Variants in TRIP12 observed in about 807,000 individuals in gnomAD.
The protein encoded by TRIP12 is E3 ubiquitin-protein ligase TRIP12.
In TRIP12, 25 loss-of-function variants were observed where a neutral mutation model predicts 244.2. The ratio of observed to expected loss-of-function variants is 0.10; its 90% CI spans 0.07 to 0.14. The LOEUF (loss-of-function observed/expected upper bound fraction) is 0.14, where lower values mean the gene tolerates loss of function less well. Ranked by LOEUF, TRIP12 falls within the 10% of genes least tolerant of loss-of-function variation. TRIP12 has a pLI of 1.00. For synonymous variants in TRIP12, 905 were observed against 873.1 expected (o/e 1.04, Z -0.64); for missense variants, 1,677 against 2,486.4 (o/e 0.67, Z 6.92).
At position 229,778,399 on chromosome 2, in the gene TRIP12, C is replaced by G; in HGVS notation, c.5364+34G>C. Reference sequence around the variant, plus strand: ...GGTACTTGCACAGAACATTCTACACCAAAACTGCAAAAAGCAAACCATCCT... The same window carrying G: ...GGTACTTGCACAGAACATTCTACACGAAAACTGCAAAAAGCAAACCATCCT... On this transcript the variant is annotated intron_variant, in intron 36 of 41. Coordinates refer to ENST00000675903, the MANE Select transcript of TRIP12 (RefSeq NM_001348323.3). The surrounding 1 kb of genome is among the most constrained non-coding windows in gnomAD (Gnocchi z 4.1). 6.2e-7 allele frequency: 1 copy of G among 1,612,366 alleles called. No homozygotes were observed. The highest frequency in any genetic ancestry group is 8.5e-7 in the Non-Finnish European group (1 of 1,178,898).
chr2:229,824,418 C>T (rs1056700646), intron 8 of TRIP12, among the ~76,000 whole-genome samples: 2 of 152,134 alleles, frequency 1.3e-5, no homozygotes, highest in African/African-American at 4.8e-5. Flanking sequence ...TATGCATTTA[C>T]ACCCATTTAA....
chr2:229,864,047 AGTGTGTGTGTGTGT>A lies in TRIP12; in HGVS notation c.99-3530_99-3517del, dbSNP rs371818159. 1.5e-4 allele frequency among the ~76,000 whole-genome samples: 12 copies of A among 79,282 alleles called. 1 individual carries two copies. Among genetic ancestry groups the A allele is most frequent in the Admixed American group, 6.5e-4 (5 of 7,702 alleles). The allele number at this position is 79,282 out of a possible 152,430, so 52.0% of individuals were successfully genotyped here. A position where few individuals can be genotyped will look rare whatever the true frequency, so the allele number is the denominator to read the frequency against. On this transcript the variant is annotated intron_variant, in intron 2 of 41. Coordinates refer to ENST00000675903, the MANE Select transcript of TRIP12 (RefSeq NM_001348323.3). Reference sequence around the variant, plus strand: ...GAGAGAGAGAGAGAGAGAGAGAGAGAGTGTGTGTGTGTGTGTGTGTGTGTGTGTGTGCACGCGCA... The same window carrying A: ...GAGAGAGAGAGAGAGAGAGAGAGAGAGTGTGTGTGTGTGTGTGCACGCGCA...
chr2:229,785,292 G>A (rs1178128962), intron 34 of TRIP12, among the ~76,000 whole-genome samples: 1 of 152,198 alleles, frequency 6.6e-6, no homozygotes, highest in East Asian at 1.9e-4. Flanking sequence ...GATGGGGTAG[G>A]GGATAGAATG....
At chr2:229,782,825 T>C (rs1389131190) in intron 34 of TRIP12, among the ~76,000 whole-genome samples, 1 of 152,170 alleles carries the variant, frequency 6.6e-6, no homozygotes, top group Non-Finnish European at 1.5e-5. Flanking sequence ...GTCACAACTT[T>C]GAGGTTATAC....
chr2:229,867,126 T>C (rs1320256745), intron 2 of TRIP12, among the ~76,000 whole-genome samples: 2 of 149,544 alleles, frequency 1.3e-5, no homozygotes, highest in African/African-American at 4.9e-5. Context: ...TTTTTAAGTG[T>C]AGGCTATGGT....
intron 2 of TRIP12, among the ~76,000 whole-genome samples, chr2:229,863,895 C>T (rs970666122): frequency 1.3e-5 from 2 of 151,816 alleles, no homozygotes; most frequent in Admixed American, 1.3e-4. Context: ...AAATTTATAT[C>T]CACTATAAAT....
intron 2 of TRIP12, among the ~76,000 whole-genome samples, chr2:229,873,345 T>G (rs1266279498): frequency 6.6e-6 from 1 of 152,192 alleles, no homozygotes; most frequent in Non-Finnish European, 1.5e-5. Context: ...ATACCTGAAA[T>G]GTGAACATTT....
At chr2:229,772,478 T>G (rs1199478507) in intron 38 of TRIP12, among the ~76,000 whole-genome samples, 5 of 152,156 alleles carry the variant, frequency 3.3e-5, no homozygotes, top group Non-Finnish European at 7.4e-5. Context: ...TTATTATTAT[T>G]TTTGAGACAG....
At chr2:229,790,211 A>G (rs923190030) in intron 30 of TRIP12, among the ~76,000 whole-genome samples, 12 of 152,210 alleles carry the variant, frequency 7.9e-5, no homozygotes, top group African/African-American at 2.9e-4. Flanking sequence ...TTAGGACTGA[A>G]CAGATTGTGA....
At chr2:229,823,733 ACCC>A (rs1559652435) in intron 8 of TRIP12, among the ~76,000 whole-genome samples, 1 of 151,926 alleles carries the variant, frequency 6.6e-6, no homozygotes. Flanking sequence ...CATGCCTGTA[ACCC>A]CAGCAACTTA....
intron 7 of TRIP12, among the ~76,000 whole-genome samples, chr2:229,830,394 G>A (rs922297782): frequency 9.2e-5 from 14 of 152,164 alleles, no homozygotes; most frequent in African/African-American, 3.4e-4. Flanking sequence ...CTAGGCCTAA[G>A]TGGGTTAAAT....
At chr2:229,893,176 T>TA (rs1199030820) in intron 1 of TRIP12, among the ~76,000 whole-genome samples, 4 of 152,260 alleles carry the variant, frequency 2.6e-5, no homozygotes, top group African/African-American at 7.2e-5. Flanking sequence ...TATGTATCCA[T>TA]ATCCTCATTT....
chr2:229,788,235 G>T (rs750047017), intron 32 of TRIP12, among the ~76,000 whole-genome samples: 2 of 152,150 alleles, frequency 1.3e-5, no homozygotes, highest in Admixed American at 6.5e-5. Flanking sequence ...TAAGTCGATA[G>T]ATCATCTTTA....
At chr2:229,797,657 A>C (rs1222859809) in intron 24 of TRIP12, 33 bp downstream of exon 24, 1 of 1,606,104 alleles carries the variant, frequency 6.2e-7, no homozygotes, top group Non-Finnish European at 8.5e-7. Flanking sequence ...GAAGAGACTG[A>C]AAAAGACCAG....
intron 8 of TRIP12, among the ~76,000 whole-genome samples, chr2:229,828,772 A>G (rs905616860): frequency 6.6e-6 from 1 of 151,822 alleles, no homozygotes; most frequent in Non-Finnish European, 1.5e-5. Context: ...ATCTCAAAAA[A>G]AATATATATA....
chr2:229,819,332 G>C (rs1238135560), intron 8 of TRIP12, among the ~76,000 whole-genome samples: 1 of 152,160 alleles, frequency 6.6e-6, no homozygotes, highest in Admixed American at 6.5e-5. Context: ...ATCACTTGAG[G>C]TCAGGAGTTT....
intron 29 of TRIP12, among the ~76,000 whole-genome samples, 179 bp from the exon 30 acceptor site, chr2:229,791,430 G>C (rs930431641): frequency 2.6e-5 from 4 of 152,220 alleles, no homozygotes; most frequent in Non-Finnish European, 5.9e-5. Context: ...CACCTTCCCA[G>C]GAGGGGCTGC....
intron 4 of TRIP12, among the ~76,000 whole-genome samples, chr2:229,846,037 G>A (rs556522641): frequency 2.0e-5 from 3 of 151,548 alleles, no homozygotes; most frequent in Non-Finnish European, 4.4e-5. Flanking sequence ...AAAAAGGTGG[G>A]GGGGGCAGGT....
upstream of TRIP12, chr2:229,922,197 C>A (rs1019281665): frequency 4.0e-6 from 1 of 250,780 alleles, no homozygotes; most frequent in Non-Finnish European, 7.8e-6. Flanking sequence ...TCAGCAGCCT[C>A]CGATCTCCGC....
Sources: gnomAD v4.1 joint callset for allele counts (sites outside exome capture counted in the v4.1 genomes callset) on GRCh38, gnomAD v4.1.1 for gene constraint, Gnocchi (gnomAD v3.1) non-coding constraint, MANE v1.5 for transcripts, NCBI Gene and HGNC (gene_info 2026-07-23, HGNC 2026-07-21) for gene names.